The following NR5A2 variants were observed in gnomAD, a reference collection of about 807,000 sequenced individuals.
NR5A2 encodes nuclear receptor subfamily 5 group A member 2.
Under a neutral mutation model 62.7 loss-of-function variants are expected in NR5A2, and 26 were observed. The ratio of observed to expected loss-of-function variants is 0.41; its 90% CI spans 0.30 to 0.58. The LOEUF is 0.58. Among genes scored for constraint, NR5A2 ranks in the 20% least tolerant of loss-of-function variants. The pLI is 0.22. For missense variants in NR5A2, 541 were observed against 669.1 expected, an observed-to-expected ratio of 0.81 and a Z score of 2.11; for synonymous variants, 246 against 241.7, an observed-to-expected ratio of 1.02 and a Z score of -0.16.
intron 7 of NR5A2, among the ~76,000 whole-genome samples, chr1:200,134,730 A>G (rs1412300840): frequency 6.6e-6 from 1 of 152,236 alleles, no homozygotes; most frequent in Non-Finnish European, 1.5e-5. Flanking sequence ...AATACTGCTA[A>G]CATCTATGTA....
intron 5 of NR5A2, among the ~76,000 whole-genome samples, chr1:200,066,800 G>C (rs2737650): frequency 0.35 from 53,434 of 151,506 alleles, 10,858 homozygotes; most frequent in African/African-American, 0.57. Context: ...GTTGGTCAGG[G>C]TGATCTCGAA....
intron 5 of NR5A2, among the ~76,000 whole-genome samples, chr1:200,050,880 G>A (rs866011825): frequency 3.9e-5 from 6 of 152,116 alleles, no homozygotes; most frequent in African/African-American, 7.2e-5. Flanking sequence ...TGACAAGAGC[G>A]AAACTCCATC....
At chr1:200,100,423 C>G (rs1389144771) in intron 5 of NR5A2, among the ~76,000 whole-genome samples, 1 of 151,974 alleles carries the variant, frequency 6.6e-6, no homozygotes, top group Non-Finnish European at 1.5e-5. Flanking sequence ...GTTCTTTGCC[C>G]AAAGTTACCT....
chr1:200,106,600 T>G (rs138646009), intron 5 of NR5A2, among the ~76,000 whole-genome samples: 59 of 152,342 alleles, frequency 3.9e-4, no homozygotes, highest in Non-Finnish European at 7.3e-4. Flanking sequence ...TTTTGCTATA[T>G]AATGTGGAAC....
intron 1 of NR5A2, among the ~76,000 whole-genome samples, chr1:200,038,158 G>T (rs1558095799): frequency 6.6e-6 from 1 of 152,218 alleles, no homozygotes; most frequent in South Asian, 2.1e-4. Context: ...TGGTCGAAGA[G>T]CTTGCGTAAC....
At chr1:200,164,351 G>A (rs779100111) in intron 7 of NR5A2, among the ~76,000 whole-genome samples, 24 of 152,180 alleles carry the variant, frequency 1.6e-4, no homozygotes, top group African/African-American at 3.6e-4. Flanking sequence ...TCAGGAATTC[G>A]TTCTTGGGAG....
At chr1:200,130,314 AG>A (rs1257230106) in intron 7 of NR5A2, among the ~76,000 whole-genome samples, 4 of 38,666 alleles carry the variant, frequency 1.0e-4, no homozygotes, top group East Asian at 8.9e-4. Flanking sequence ...AAGAAGAAGA[AG>A]AAGAAGAAAA....
At chr1:200,072,534 A>G (rs1485354272) in intron 5 of NR5A2, among the ~76,000 whole-genome samples, 1 of 152,174 alleles carries the variant, frequency 6.6e-6, no homozygotes, top group East Asian at 1.9e-4. Flanking sequence ...CCTACCCACC[A>G]TTGAAATCTG....
chr1:200,097,661 G>A (rs1315682885), intron 5 of NR5A2, among the ~76,000 whole-genome samples: 1 of 152,188 alleles, frequency 6.6e-6, no homozygotes, highest in East Asian at 1.9e-4. Flanking sequence ...TAGAAATATG[G>A]AAGACATAAA....
In NR5A2 at chr1:200,159,089, C is replaced by A. The variant is rs186218434; in HGVS notation, c.1379-14874C>A. On this transcript the variant is annotated intron_variant, in intron 7 of 7. Coordinates refer to ENST00000367362, the MANE Select transcript of NR5A2 (RefSeq NM_205860.3). ...TTTAAATTTTTTGTCAAAATGGGATCTCACTATATCAGACTGGTCTCCAAC... is the reference window on the plus strand; with the variant it reads ...TTTAAATTTTTTGTCAAAATGGGATATCACTATATCAGACTGGTCTCCAAC... 5.9e-5 allele frequency among the ~76,000 whole-genome samples: 9 copies of A among 151,754 alleles called. No individual in the cohort carries two copies. In the East Asian group the frequency reaches 9.7e-4, roughly 16 times the overall value.
intron 7 of NR5A2, among the ~76,000 whole-genome samples, chr1:200,134,208 T>C (rs1447799949): frequency 6.6e-6 from 1 of 152,264 alleles, no homozygotes; most frequent in Non-Finnish European, 1.5e-5. Flanking sequence ...AAATATTTTT[T>C]ATAAATTTAA....
At chr1:200,087,257 C>A (rs373215836) in intron 5 of NR5A2, among the ~76,000 whole-genome samples, 1 of 152,058 alleles carries the variant, frequency 6.6e-6, no homozygotes, top group Non-Finnish European at 1.5e-5. Flanking sequence ...CACACACACA[C>A]ACACACACAC....
intron 5 of NR5A2, 115 bp from the exon 6 acceptor site, chr1:200,111,087 C>T: frequency 8.2e-7 from 1 of 1,224,496 alleles, no homozygotes; most frequent in Non-Finnish European, 1.1e-6. Flanking sequence ...TGGGTGGAGA[C>T]TTTCTTGTTT....
At chr1:200,142,538 T>C (rs2102347381) in intron 7 of NR5A2, among the ~76,000 whole-genome samples, 1 of 152,180 alleles carries the variant, frequency 6.6e-6, no homozygotes, top group African/African-American at 2.4e-5. Context: ...ATTATCATTA[T>C]TATCTTTAGA....
At position 200,100,374 on chromosome 1, in the gene NR5A2, G is replaced by A. The variant is rs184991187; in HGVS notation, c.1111-10828G>A. ...TTTAAGTATTTTTAACAGGATGTCT[G>A]CTATGTGGTGTTTTTAATAGGGTGT... On this transcript the variant is annotated intron_variant, in intron 5 of 7. Transcript: ENST00000367362. 2.3e-3 allele frequency among the ~76,000 whole-genome samples: 348 copies of A among 152,208 alleles called. 1 individual carries two copies. The highest frequency in any genetic ancestry group is 8.2e-3 in the African/African-American group (342 of 41,530).
At chr1:200,100,799 TAGG>T (rs1665329403) in intron 5 of NR5A2, among the ~76,000 whole-genome samples, 1 of 152,204 alleles carries the variant, frequency 6.6e-6, no homozygotes, top group African/African-American at 2.4e-5. Context: ...AGTCCAGTAG[TAGG>T]AGAAGATGTT....
chr1:200,043,654 T>C, intron 2 of NR5A2, 120 bp from the exon 3 acceptor site: 1 of 588,312 alleles, frequency 1.7e-6, no homozygotes, highest in African/African-American at 1.9e-5. Flanking sequence ...AAAATTGTTT[T>C]TATTTTATAT....
chr1:200,052,680 C>T (rs759956781), intron 5 of NR5A2, among the ~76,000 whole-genome samples: 15 of 151,178 alleles, frequency 9.9e-5, no homozygotes, highest in East Asian at 1.9e-4. Context: ...CTTGCTTTGT[C>T]GCCCAGGTTG....
intron 7 of NR5A2, among the ~76,000 whole-genome samples, chr1:200,131,497 G>A (rs1009191284): frequency 2.6e-5 from 4 of 152,194 alleles, no homozygotes; most frequent in Non-Finnish European, 5.9e-5. Flanking sequence ...GCTATTTAGT[G>A]AGATGATTTT....
Sources: gnomAD v4.1 joint callset for allele counts (sites outside exome capture counted in the v4.1 genomes callset) on GRCh38, gnomAD v4.1.1 for gene constraint, MANE v1.5 for transcripts, NCBI Gene and HGNC (gene_info 2026-07-23, HGNC 2026-07-21) for gene names.